Variants in MIGA2 observed in about 807,000 individuals in gnomAD.
MIGA2 encodes mitoguardin 2.
A neutral mutation model predicts 69.9 loss-of-function variants in MIGA2; 36 were observed. That is an observed-to-expected ratio of 0.52 (90% CI 0.39 to 0.68). The LOEUF (loss-of-function observed/expected upper bound fraction) is 0.68, where lower values mean the gene tolerates loss of function less well. Among genes scored for constraint, MIGA2 ranks in the 30% least tolerant of loss-of-function variants. The pLI, the probability that MIGA2 is intolerant of heterozygous loss-of-function variation, is 0.00. For missense variants in MIGA2, 660 were observed against 787.7 expected (o/e 0.84, Z 1.94); for synonymous variants, 333 against 349.2 (o/e 0.95, Z 0.52).
At chr9:129,053,317 C>A (rs1292469563) in intron 6 of MIGA2, among the ~76,000 whole-genome samples, 1 of 152,150 alleles carries the variant, frequency 6.6e-6, no homozygotes, top group African/African-American at 2.4e-5. Context: ...TTCATCCAGG[C>A]ATCACCACTT....
intron 1 of MIGA2, chr9:129,037,166 G>A: frequency 1.8e-6 from 1 of 567,516 alleles, no homozygotes; most frequent in Non-Finnish European, 2.3e-6. Context: ...ACTATTGAGG[G>A]GTCCGGCATG....
At chr9:129,046,058 T>C (rs1845205510) in intron 3 of MIGA2, among the ~76,000 whole-genome samples, 1 of 152,032 alleles carries the variant, frequency 6.6e-6, no homozygotes. Context: ...TTTCACCATA[T>C]TGGCCAGGAT....
At position 129,061,239 on chromosome 9, in the gene MIGA2, G is replaced by C; in HGVS notation, c.903G>C (p.Glu301Asp). The change falls in exon 9 of 16, where the codon GAG (glutamate) becomes GAC (aspartate). Residue 301 changes from glutamate (E) to aspartate (D), a missense_variant. Around this residue, in one of 3 missense-constraint regions of MIGA2, gnomAD observed 386 missense variants for 402.0 expected, o/e 0.96. Coordinates refer to ENST00000684074, the MANE Select transcript of MIGA2 (RefSeq NM_001329990.2). This position sits in a 1 kb window ranked among gnomAD's most constrained non-coding sequence, Gnocchi z 5.0. ...TCTGCACCCTCTCCCAGCTCTTTGA[G>C]TCCCTGCAGACTGGAGATTACCCGA... ...DSFFSATELF[E>D]SLQTGDYPIP... 6.2e-7 allele frequency: 1 copy of C among 1,611,092 alleles called. No homozygotes were observed. Among genetic ancestry groups the C allele is most frequent in the African/African-American group, 1.3e-5 (1 of 74,986 alleles).
chr9:129,051,298 A>G, intron 6 of MIGA2: 1 of 172,642 alleles, frequency 5.8e-6, no homozygotes, highest in Non-Finnish European at 1.1e-5. Flanking sequence ...TTTTTTTTGG[A>G]GACGGAGTCT....
rs1489365869 is a variant in MIGA2, at chr9:129,059,903, C to G, written c.793+632C>G. Among the ~76,000 whole-genome samples, 1 of 152,196 alleles carries G rather than the reference C, an allele frequency of 6.6e-6. No homozygotes were observed. Among genetic ancestry groups the G allele is most frequent in the African/African-American group, 2.4e-5 (1 of 41,462 alleles). Reference sequence around the variant, plus strand: ...GAGTGGGTCGGCCGAGCCACGCACCCTGCCCTGGCTTCTCCCCACGTGCTC... The same window carrying G: ...GAGTGGGTCGGCCGAGCCACGCACCGTGCCCTGGCTTCTCCCCACGTGCTC... On this transcript the variant is annotated intron_variant, in intron 7 of 15. Coordinates refer to ENST00000684074, the MANE Select transcript of MIGA2 (RefSeq NM_001329990.2). This position sits in a 1 kb window ranked among gnomAD's most constrained non-coding sequence, Gnocchi z 5.6.
intron 2 of MIGA2, among the ~76,000 whole-genome samples, chr9:129,041,263 C>T (rs1002869962): frequency 6.6e-6 from 1 of 151,802 alleles, no homozygotes; most frequent in Non-Finnish European, 1.5e-5. Flanking sequence ...ACCCAGGAGG[C>T]GGAGGTTGCA....
chr9:129,055,872 G>A (rs991608220), intron 6 of MIGA2, among the ~76,000 whole-genome samples: 3 of 151,266 alleles, frequency 2.0e-5, no homozygotes, highest in Admixed American at 2.0e-4. Context: ...AAATTTGGCC[G>A]GGTGCAGTAG....
chr9:129,049,324 C>A lies in MIGA2; in HGVS notation c.421-57C>A, dbSNP rs986569312. ...GGCAGTGGAGGAGGGCTCAGGGGGG[C>A]CCTGCAGAGAGCCCGGGAAAGCTTC... is the stretch of plus-strand genomic sequence containing the variant. On this transcript the variant is annotated intron_variant, in intron 4 of 15. Coordinates refer to ENST00000684074, the MANE Select transcript of MIGA2 (RefSeq NM_001329990.2). 3 of 1,546,100 alleles carry A rather than the reference C, an allele frequency of 1.9e-6. No individual in the cohort carries two copies. The African/African-American group carries it at 4.1e-5, about 21-fold the overall frequency.
At chr9:129,051,949 T>C (rs1190986675) in intron 6 of MIGA2, among the ~76,000 whole-genome samples, 7 of 150,512 alleles carry the variant, frequency 4.7e-5, no homozygotes, top group Admixed American at 4.0e-4. Flanking sequence ...CCTCAGCCTC[T>C]GGAGTAGCTG....
At chr9:129,063,714 C>A (rs979988105) in intron 11 of MIGA2, 83 bp downstream of exon 11, 36 of 1,370,276 alleles carry the variant, frequency 2.6e-5, no homozygotes, top group Admixed American at 1.8e-5. Context: ...CAGAGGGAAC[C>A]CCTGTGCACA....
At position 129,069,651 on chromosome 9, in the gene MIGA2, TCA is replaced by T. The variant is rs1054393412; in HGVS notation, c.1459-195_1459-194del. 2 of 610,242 alleles carry T rather than the reference TCA, an allele frequency of 3.3e-6. No individual in the cohort carries two copies. The highest frequency in any genetic ancestry group is 3.7e-5 in the African/African-American group (2 of 54,434). The allele number at this position is 610,242 out of a possible 1,614,324, so 37.8% of individuals were successfully genotyped here. A position where few individuals can be genotyped will look rare whatever the true frequency, so the allele number is the denominator to read the frequency against. On this transcript the variant is annotated intron_variant, in intron 14 of 15. Coordinates refer to ENST00000684074, the MANE Select transcript of MIGA2 (RefSeq NM_001329990.2). This position sits in a 1 kb window ranked among gnomAD's most constrained non-coding sequence, Gnocchi z 4.9. ...ACTATGGCCCCACCTCTTGCAGTAC[TCA>T]CAGCGGCCCATGGTTACCCTGTCTG...
intron 6 of MIGA2, among the ~76,000 whole-genome samples, chr9:129,056,869 A>C (rs1427250930): frequency 6.6e-6 from 1 of 152,068 alleles, no homozygotes; most frequent in Non-Finnish European, 1.5e-5. Context: ...CCCCACCTTT[A>C]CTAAAAATAC....
chr9:129,070,560 AC>A lies in MIGA2; in HGVS notation c.*112del, dbSNP rs1038206222. On this transcript the variant is annotated 3_prime_UTR_variant, in exon 16 of 16. Transcript: ENST00000684074. ...GGGCCGTTGCCCCTGACTTTGCCCC[AC>A]CCCCATCATCTGGGAGTCCCCAAGG... 30 of 1,261,150 alleles carry A rather than the reference AC, an allele frequency of 2.4e-5. No individual in the cohort carries two copies. The Middle Eastern group carries it at 1.4e-3, about 59-fold the overall frequency. The allele number at this position is 1,261,150 out of a possible 1,614,324, so 78.1% of individuals were successfully genotyped here.
chr9:129,069,430 T>A lies in MIGA2; in HGVS notation c.1458+301T>A. Reference sequence around the variant, plus strand: ...TGCAGGCGTCTCGGTGGGGGCAGGATACCCAGGAGCAAGCAGAGCCCTGTC... The same window carrying A: ...TGCAGGCGTCTCGGTGGGGGCAGGAAACCCAGGAGCAAGCAGAGCCCTGTC... On this transcript the variant is annotated intron_variant, in intron 14 of 15. Transcript: ENST00000684074. This position sits in a 1 kb window ranked among gnomAD's most constrained non-coding sequence, Gnocchi z 4.9. 1 of 540,082 alleles carries A rather than the reference T, an allele frequency of 1.9e-6. No individual in the cohort carries two copies. Among genetic ancestry groups the A allele is most frequent in the Non-Finnish European group, 3.3e-6 (1 of 299,816 alleles). The allele number at this position is 540,082 out of a possible 1,614,324, so 33.5% of individuals were successfully genotyped here.
chr9:129,055,673 C>A (rs951154422), intron 6 of MIGA2, among the ~76,000 whole-genome samples: 15 of 151,944 alleles, frequency 9.9e-5, no homozygotes, highest in Non-Finnish European at 1.8e-4. Context: ...CACAGTGAAA[C>A]CCCGTCTCTA....
intron 6 of MIGA2, among the ~76,000 whole-genome samples, chr9:129,057,903 G>A (rs1845877293): frequency 6.6e-6 from 1 of 152,028 alleles, no homozygotes; most frequent in Non-Finnish European, 1.5e-5. Flanking sequence ...ACCTCACCCG[G>A]TCCATTTTTC....
chr9:129,067,857 C>G lies in MIGA2; in HGVS notation c.1255C>G (p.Leu419Val). The G allele has an allele frequency of 6.2e-7, 1 of 1,612,176 alleles. No homozygotes were observed. The highest frequency in any genetic ancestry group is 8.5e-7 in the Non-Finnish European group (1 of 1,179,518). Residue 419 changes from leucine (L) to valine (V), a missense_variant, in exon 12 of 16, where the codon CTG becomes GTG. By Grantham distance (32) the Leu-to-Val change is conservative. Around this residue, in one of 3 missense-constraint regions of MIGA2, gnomAD observed 220 missense variants for 301.7 expected, o/e 0.73. Transcript: ENST00000684074. ...PETWATTRLE[L>V]EGRGVVCMSF... ...GACCTGGGCCACAACACGGCTGGAG[C>G]TGGAGGGCCGAGGGGTGAGTTGCTT...
intron 6 of MIGA2, among the ~76,000 whole-genome samples, chr9:129,056,149 AC>A (rs1845786584): frequency 1.3e-5 from 2 of 149,878 alleles, no homozygotes; most frequent in Admixed American, 1.3e-4. Context: ...AAAAAAAAAA[AC>A]TTATGTTGTT....
In MIGA2 at chr9:129,049,975, T is replaced by C. The variant is rs1845434296; in HGVS notation, c.675+12T>C. 4.3e-6 allele frequency: 7 copies of C among 1,609,432 alleles called. No individual in the cohort carries two copies. The East Asian group carries it at 1.6e-4, about 36-fold the overall frequency. Reference sequence around the variant, plus strand: ...AGCCACTGTCTGAGGTAGGTGGTCTTCTGCATCCCCCTACGCCCATGGGAT... The same window carrying C: ...AGCCACTGTCTGAGGTAGGTGGTCTCCTGCATCCCCCTACGCCCATGGGAT... On this transcript the variant is annotated intron_variant, in intron 6 of 15. Coordinates refer to ENST00000684074, the MANE Select transcript of MIGA2 (RefSeq NM_001329990.2).
Sources: gnomAD v4.1 joint callset for allele counts (sites outside exome capture counted in the v4.1 genomes callset) on GRCh38, gnomAD v4.1.1 for gene constraint, gnomAD v4.1.1 regional missense constraint, Gnocchi (gnomAD v3.1) non-coding constraint, MANE v1.5 for transcripts, NCBI Gene and HGNC (gene_info 2026-07-23, HGNC 2026-07-21) for gene names.